Variants in BCAS1 observed in about 807,000 individuals in gnomAD.
BCAS1 encodes the protein brain enriched myelin associated protein 1, also known as breast carcinoma-amplified sequence 1.
BCAS1 carries 46 observed loss-of-function variants against 65.4 expected under a neutral mutation model. The observed-to-expected ratio is 0.70, with a 90% confidence interval of 0.55 to 0.90. BCAS1 has a LOEUF of 0.90. Among genes scored for constraint, BCAS1 ranks in the 40% least tolerant of loss-of-function variants. The pLI is 0.00. For missense variants in BCAS1, 793 were observed against 771.2 expected (o/e 1.03, Z -0.33); for synonymous variants, 298 against 293.5 (o/e 1.02, Z -0.16).
chr20:53,972,266 T>C (rs1353033835), intron 9 of BCAS1, among the ~76,000 whole-genome samples: 1 of 152,224 alleles, frequency 6.6e-6, no homozygotes, highest in Non-Finnish European at 1.5e-5. Flanking sequence ...GCCTTCTCTC[T>C]TATTTAAGAG....
chr20:54,046,528 C>CAAAAA (rs71196442), intron 3 of BCAS1, among the ~76,000 whole-genome samples: 40 of 54,162 alleles, frequency 7.4e-4, no homozygotes, highest in Non-Finnish European at 1.0e-3. Context: ...GACTCCATCT[C>CAAAAA]AAAAAAAAAA....
intron 9 of BCAS1, among the ~76,000 whole-genome samples, chr20:53,972,067 T>A (rs77858852): frequency 0.047 from 7,137 of 152,258 alleles, 521 homozygotes; most frequent in African/African-American, 0.16. Flanking sequence ...TAGTTTTTTT[T>A]AAATACAAGT....
chr20:53,985,944 T>A (rs2145780730), intron 7 of BCAS1, among the ~76,000 whole-genome samples: 3 of 152,332 alleles, frequency 2.0e-5, no homozygotes, highest in African/African-American at 7.2e-5. Context: ...AATTAGAAAT[T>A]AAAGGAGAGT....
chr20:54,065,913 G>A (rs2092434843), intron 1 of BCAS1, among the ~76,000 whole-genome samples: 1 of 152,158 alleles, frequency 6.6e-6, no homozygotes, highest in Non-Finnish European at 1.5e-5. Flanking sequence ...GAGGAATAGA[G>A]ATAAGCTGTT....
chr20:54,001,561 C>G (rs1385144578), intron 4 of BCAS1, among the ~76,000 whole-genome samples: 5 of 152,080 alleles, frequency 3.3e-5, no homozygotes, highest in African/African-American at 9.7e-5. Context: ...TCTGGTCTGG[C>G]TCATCTGGAC....
At chr20:54,064,684 A>C (rs3787545) in intron 1 of BCAS1, among the ~76,000 whole-genome samples, 21,137 of 152,186 alleles carry the variant, frequency 0.14, 1,942 homozygotes, top group East Asian at 0.32. Context: ...AGAACAAGAG[A>C]TCTGGAGTGA....
chr20:54,005,762 C>T (rs933841743), intron 4 of BCAS1, among the ~76,000 whole-genome samples: 2 of 152,026 alleles, frequency 1.3e-5, no homozygotes, highest in African/African-American at 4.8e-5. Context: ...GGCCATGGAG[C>T]ATAGGTTGCA....
chr20:53,974,024 T>C (rs1275516086), intron 9 of BCAS1, among the ~76,000 whole-genome samples: 1 of 149,950 alleles, frequency 6.7e-6, no homozygotes, highest in Admixed American at 6.6e-5. Flanking sequence ...ACTTTGTGTC[T>C]AGCTTAAGGA....
In BCAS1 at chr20:54,057,959, C is replaced by G. The variant is rs375498238; in HGVS notation, c.142+126G>C. On this transcript the variant is annotated intron_variant, in intron 3 of 12. Transcript: ENST00000688948. ...GGCATGGTAGCCCAAGGAACAAACGCAAGTATTTTCAAACTGAGCCTGCGG... is the reference window on the plus strand; with the variant it reads ...GGCATGGTAGCCCAAGGAACAAACGGAAGTATTTTCAAACTGAGCCTGCGG... 306 of 736,978 alleles carry G rather than the reference C, an allele frequency of 4.2e-4. 4 individuals carry two copies. In the South Asian group the frequency reaches 5.2e-3, roughly 12 times the overall value. 45.7% of individuals were successfully genotyped at this position (736,978 alleles called of 1,614,324 possible). A position where few individuals can be genotyped will look rare whatever the true frequency, so the allele number is the denominator to read the frequency against.
At chr20:54,065,809 A>C (rs1031768903) in intron 1 of BCAS1, among the ~76,000 whole-genome samples, 1 of 152,188 alleles carries the variant, frequency 6.6e-6, no homozygotes. Flanking sequence ...GGTGGAGGGA[A>C]GGACCATAAT....
chr20:54,059,538 T>C (rs989682661), intron 1 of BCAS1, among the ~76,000 whole-genome samples: 13 of 152,030 alleles, frequency 8.6e-5, no homozygotes, highest in African/African-American at 2.4e-4. Context: ...ATATACTTAC[T>C]TGGGTATATA....
chr20:54,040,320 G>C (rs577018865), intron 3 of BCAS1, among the ~76,000 whole-genome samples: 1 of 151,488 alleles, frequency 6.6e-6, no homozygotes. Flanking sequence ...CCTTTTAAGT[G>C]GTAAGCAGCT....
At chr20:54,055,616 A>G (rs1405380920) in intron 3 of BCAS1, among the ~76,000 whole-genome samples, 1 of 152,194 alleles carries the variant, frequency 6.6e-6, no homozygotes, top group Admixed American at 6.5e-5. Flanking sequence ...GAGCAAAACC[A>G]TATCAACTAC....
intron 7 of BCAS1, among the ~76,000 whole-genome samples, chr20:53,986,354 G>A (rs531780842): frequency 6.6e-6 from 1 of 152,224 alleles, no homozygotes; most frequent in South Asian, 2.1e-4. Flanking sequence ...TCTATGCTCT[G>A]CCACCCACTG....
At chr20:53,992,734 G>A (rs1331940125) in intron 6 of BCAS1, 88 bp from the exon 7 acceptor site, 8 of 1,235,208 alleles carry the variant, frequency 6.5e-6, no homozygotes, top group East Asian at 5.1e-5. Context: ...GCATTAATAC[G>A]CTGTGACAAT....
rs755331001 is a variant in BCAS1 at position 53,944,986 on chromosome 20, C to A, written c.1826G>T (p.Arg609Leu). 1.2e-6 allele frequency: 2 copies of A among 1,613,914 alleles called. No homozygotes were observed. Among genetic ancestry groups the A allele is most frequent in the African/African-American group, 1.3e-5 (1 of 74,876 alleles). Residue 609 changes from arginine (R) to leucine (L), a missense_variant, in exon 13 of 13, where the codon CGG (arginine) becomes CTG (leucine). By Grantham distance (102) the Arg-to-Leu change is moderately radical. Transcript: ENST00000688948. ...GGFFKGLGPK[R>L]MLDAQVQTDP... ...TGTTTGCACTTGAGCATCCAACATC[C>A]GCTTTGGTCCCTGGAGAAAAACAGA...
chr20:53,962,609 C>T (rs996057075), intron 10 of BCAS1, among the ~76,000 whole-genome samples: 2 of 152,154 alleles, frequency 1.3e-5, no homozygotes, highest in African/African-American at 2.4e-5. Flanking sequence ...TATAAAAATA[C>T]ACCAGCACTT....
chr20:54,039,667 C>T (rs1393924570), intron 3 of BCAS1, among the ~76,000 whole-genome samples: 1 of 151,286 alleles, frequency 6.6e-6, no homozygotes, highest in Non-Finnish European at 1.5e-5. Flanking sequence ...CATTTAAAGA[C>T]AAATCAGATG....
chr20:53,959,771 A>G (rs1299675074), intron 10 of BCAS1, among the ~76,000 whole-genome samples: 1 of 152,190 alleles, frequency 6.6e-6, no homozygotes, highest in Non-Finnish European at 1.5e-5. Flanking sequence ...AGGTTTCACT[A>G]AGATTGACAA....
Sources: allele counts gnomAD v4.1 joint callset (sites outside exome capture counted in the v4.1 genomes callset), GRCh38; gene constraint gnomAD v4.1.1; transcripts MANE v1.5; gene names NCBI Gene and HGNC (gene_info 2026-07-23, HGNC 2026-07-21).